The following LMO7 variants were observed in gnomAD, a reference collection of about 807,000 sequenced individuals.
The protein encoded by LMO7 is LIM domain 7.
LMO7 carries 120 observed loss-of-function variants against 206.5 expected under a neutral mutation model. The observed-to-expected ratio is 0.58, with a 90% CI of 0.50 to 0.68. LMO7 has a LOEUF of 0.68. Ranked by LOEUF, LMO7 falls within the 30% of genes least tolerant of loss-of-function variation. The pLI is 0.00. For missense variants in LMO7, 1,959 were observed against 1,957.9 expected (o/e 1.00, Z -0.01); for synonymous variants, 706 against 681.5 (o/e 1.04, Z -0.56).
chr13:75,837,649 C>T (rs937087835), intron 19 of LMO7, among the ~76,000 whole-genome samples: 3 of 151,608 alleles, frequency 2.0e-5, no homozygotes, highest in South Asian at 2.1e-4. Flanking sequence ...AGAAGGTGGT[C>T]GTAACTTTAG....
At chr13:75,790,626 G>C (rs958336889) in intron 4 of LMO7, among the ~76,000 whole-genome samples, 5 of 152,136 alleles carry the variant, frequency 3.3e-5, no homozygotes, top group African/African-American at 1.2e-4. Flanking sequence ...TTTGAGTAAA[G>C]AAAAGAGGAT....
intron 2 of LMO7, among the ~76,000 whole-genome samples, chr13:75,726,639 T>A (rs2044498941): frequency 6.6e-6 from 1 of 152,058 alleles, no homozygotes; most frequent in South Asian, 2.1e-4. Flanking sequence ...AGAAAAACAA[T>A]CAATGAAAAC....
At chr13:75,670,777 C>T (rs1420215416) in intron 1 of LMO7, among the ~76,000 whole-genome samples, 4 of 152,032 alleles carry the variant, frequency 2.6e-5, no homozygotes, top group African/African-American at 9.7e-5. Flanking sequence ...TTACACTATA[C>T]TAAATTTATA....
At chr13:75,821,027 C>A in intron 13 of LMO7, 150 bp from the exon 14 acceptor site, 7 of 557,442 alleles carry the variant, frequency 1.3e-5, no homozygotes, top group East Asian at 3.1e-5. Flanking sequence ...TAATTGTATA[C>A]ATCTTTATGC....
chr13:75,733,947 G>A (rs1295511954), intron 3 of LMO7, among the ~76,000 whole-genome samples: 3 of 152,340 alleles, frequency 2.0e-5, no homozygotes, highest in Admixed American at 6.5e-5. Flanking sequence ...CCCAGACTGC[G>A]AGATGTGCAC....
At chr13:75,718,476 G>A (rs2043743241) in intron 2 of LMO7, among the ~76,000 whole-genome samples, 1 of 152,100 alleles carries the variant, frequency 6.6e-6, no homozygotes, top group Admixed American at 6.5e-5. Flanking sequence ...TTTTTGTTTT[G>A]AAGACTTTTT....
At chr13:75,666,882 G>T (rs933830110) in intron 1 of LMO7, among the ~76,000 whole-genome samples, 14 of 152,164 alleles carry the variant, frequency 9.2e-5, no homozygotes, top group Non-Finnish European at 2.1e-4. Flanking sequence ...CTGGAATTCA[G>T]GAGAGAAACG....
chr13:75,823,708 A>G lies in LMO7; in HGVS notation c.2784A>G (p.Glu928=). ...GCCAGAAAGAGGTAGCAGCAACAGAAGAAGATGTGACAAGGCTGCCCTCTC... is the reference window on the plus strand; with the variant it reads ...GCCAGAAAGAGGTAGCAGCAACAGAGGAAGATGTGACAAGGCTGCCCTCTC... The part of the protein sequence containing the change: ...LSSQKEVAAT[E]EDVTRLPSPT... Residue 928 remains glutamate, a synonymous_variant, in exon 15 of 31, where the codon GAA becomes GAG. Coordinates refer to ENST00000377534, the MANE Select transcript of LMO7 (RefSeq NM_001306080.2). 1 of 1,613,752 alleles carries G rather than the reference A, an allele frequency of 6.2e-7. No homozygotes were observed. The highest frequency in any genetic ancestry group is 2.2e-5 in the East Asian group (1 of 44,860).
chr13:75,844,432 C>T (rs1381021799), intron 25 of LMO7, among the ~76,000 whole-genome samples: 1 of 147,220 alleles, frequency 6.8e-6, no homozygotes, highest in East Asian at 2.0e-4. Context: ...TTTTTTGAGA[C>T]GTAGTCTCGC....
At chr13:75,650,941 C>T (rs186033881) in intron 1 of LMO7, among the ~76,000 whole-genome samples, 76 of 152,156 alleles carry the variant, frequency 5.0e-4, no homozygotes, top group African/African-American at 1.6e-3. Flanking sequence ...AAAATGAGCC[C>T]AATGAGCTAT....
Position 75,858,554 on chromosome 13 carries a change from A to G in LMO7, c.*611A>G, listed in dbSNP as rs1364861370. 6.6e-6 allele frequency: 1 copy of G among 152,668 alleles called. No individual in the cohort carries two copies. The allele number at this position is 152,668 out of a possible 1,614,324, so 9.5% of individuals were successfully genotyped here. ...CAGAAATGTTGCTAAGTAATTCCCA[A>G]TAGAAAGCTGCTTATTTTCATTAAT... is the stretch of plus-strand genomic sequence containing the variant. On this transcript the variant is annotated 3_prime_UTR_variant, in exon 31 of 31. Transcript: ENST00000377534.
chr13:75,647,560 A>G (rs1409639707), intron 1 of LMO7, among the ~76,000 whole-genome samples: 1 of 152,236 alleles, frequency 6.6e-6, no homozygotes, highest in East Asian at 1.9e-4. Context: ...ATAATACATC[A>G]TCATGAAACT....
At chr13:75,813,816 C>T (rs1262147673) in intron 11 of LMO7, among the ~76,000 whole-genome samples, 1 of 152,192 alleles carries the variant, frequency 6.6e-6, no homozygotes, top group Admixed American at 6.5e-5. Flanking sequence ...AGATGCTGGG[C>T]TTTCTAGCCT....
chr13:75,694,778 C>T (rs1209119408), intron 1 of LMO7, among the ~76,000 whole-genome samples: 1 of 152,088 alleles, frequency 6.6e-6, no homozygotes, highest in Non-Finnish European at 1.5e-5. Flanking sequence ...GGCAAATGCT[C>T]ACCTGGGAGC....
chr13:75,631,754 A>G (rs2034983400), upstream of LMO7: 1 of 152,308 alleles, frequency 6.6e-6, no homozygotes, highest in Non-Finnish European at 1.5e-5. Flanking sequence ...CCAACTTTGA[A>G]GGAGCTGATA....
chr13:75,661,287 A>G (rs1594121800), intron 1 of LMO7, among the ~76,000 whole-genome samples: 1 of 152,234 alleles, frequency 6.6e-6, no homozygotes, highest in African/African-American at 2.4e-5. Context: ...TATTAAATGA[A>G]ATATTGTCAA....
At chr13:75,685,836 C>T (rs1270037894) in intron 1 of LMO7, among the ~76,000 whole-genome samples, 2 of 151,234 alleles carry the variant, frequency 1.3e-5, no homozygotes, top group African/African-American at 4.9e-5. Context: ...CATCAATTCA[C>T]TGGGAAATGA....
chr13:75,665,857 A>T (rs1448622751), intron 1 of LMO7, among the ~76,000 whole-genome samples: 1 of 152,164 alleles, frequency 6.6e-6, no homozygotes, highest in African/African-American at 2.4e-5. Flanking sequence ...TGTTCTATGG[A>T]TGTTCAATGT....
chr13:75,650,950 A>G (rs1303986614), intron 1 of LMO7, among the ~76,000 whole-genome samples: 1 of 152,226 alleles, frequency 6.6e-6, no homozygotes, highest in Non-Finnish European at 1.5e-5. Flanking sequence ...CCAATGAGCT[A>G]TTTTAGAAAA....
Sources: allele counts gnomAD v4.1 joint callset (sites outside exome capture counted in the v4.1 genomes callset), GRCh38; gene constraint gnomAD v4.1.1; transcripts MANE v1.5; gene names NCBI Gene and HGNC (gene_info 2026-07-23, HGNC 2026-07-21).